The following CAMTA1 variants were observed in gnomAD, a reference collection of about 807,000 sequenced individuals.
CAMTA1 encodes calmodulin binding transcription activator 1.
A neutral mutation model predicts 170.9 loss-of-function variants in CAMTA1; 27 were observed. The ratio of observed to expected loss-of-function variants is 0.16; its 90% CI spans 0.12 to 0.22. The LOEUF (loss-of-function observed/expected upper bound fraction) is 0.22, where lower values mean the gene tolerates loss of function less well. Ranked by LOEUF, CAMTA1 falls within the 10% of genes least tolerant of loss-of-function variation. The pLI is 1.00. For synonymous variants in CAMTA1, 833 were observed against 891.5 expected (o/e 0.93, Z 1.17); for missense variants, 1,619 against 2,217.2 (o/e 0.73, Z 5.42).
At chr1:7,500,640 T>C (rs1281394689) in intron 6 of CAMTA1, among the ~76,000 whole-genome samples, 4 of 152,150 alleles carry the variant, frequency 2.6e-5, no homozygotes, top group Non-Finnish European at 5.9e-5. Context: ...AAGGGCCCTC[T>C]GTTGCTCAGG....
chr1:6,793,633 C>T (rs552902217), intron 1 of CAMTA1, among the ~76,000 whole-genome samples: 2 of 152,252 alleles, frequency 1.3e-5, no homozygotes, highest in Admixed American at 1.3e-4. Flanking sequence ...ATCTCTTTTA[C>T]AGTGTGCATT....
chr1:7,031,056 C>G (rs1490458015), intron 3 of CAMTA1, among the ~76,000 whole-genome samples: 1 of 147,506 alleles, frequency 6.8e-6, no homozygotes, highest in African/African-American at 2.5e-5. Flanking sequence ...CCGTTGTTAG[C>G]CAGGATGGTC....
intron 3 of CAMTA1, among the ~76,000 whole-genome samples, chr1:6,926,488 C>G (rs1309163651): frequency 8.0e-6 from 1 of 125,696 alleles, no homozygotes; most frequent in Non-Finnish European, 1.7e-5. Flanking sequence ...TTCTTTCTTT[C>G]TCTCTCTCTT....
At chr1:6,831,025 G>A (rs10864242) in intron 3 of CAMTA1, among the ~76,000 whole-genome samples, 28,717 of 151,268 alleles carry the variant, frequency 0.19, 2,783 homozygotes, top group East Asian at 0.29. Flanking sequence ...TCACCGTGTT[G>A]GCCAGGATGG....
rs1481853884 is a variant in CAMTA1 at position 7,430,532 on chromosome 1, G to A, written c.439-37298G>A. Among the ~76,000 whole-genome samples, 9 of 152,126 alleles carry A rather than the reference G, an allele frequency of 5.9e-5. No individual in the cohort carries two copies. The South Asian group carries it at 8.3e-4, about 14-fold the overall frequency. ...TGATGATGGTGGTGAACCTGCTGCC[G>A]ATGATGATGATGGGTATGAGGATGA... On this transcript the variant is annotated intron_variant, in intron 5 of 22. Transcript: ENST00000303635.
intron 5 of CAMTA1, among the ~76,000 whole-genome samples, chr1:7,392,126 T>TATA (rs1468097087): frequency 6.6e-6 from 1 of 152,210 alleles, no homozygotes; most frequent in Non-Finnish European, 1.5e-5. Flanking sequence ...ATCAGGAATA[T>TATA]ATAAGAGTTT....
intron 16 of CAMTA1, among the ~76,000 whole-genome samples, chr1:7,742,595 C>T (rs892184821): frequency 6.6e-6 from 1 of 152,100 alleles, no homozygotes; most frequent in African/African-American, 2.4e-5. Context: ...AAATGAGTGA[C>T]GTGACTTTTC....
intron 22 of CAMTA1, among the ~76,000 whole-genome samples, chr1:7,759,487 G>A (rs556330072): frequency 2.0e-5 from 3 of 152,190 alleles, no homozygotes; most frequent in Non-Finnish European, 4.4e-5. Flanking sequence ...ACAAACTCTC[G>A]ATACTGTCAT....
chr1:7,739,881 T>G (rs2096798721), intron 16 of CAMTA1, among the ~76,000 whole-genome samples: 1 of 152,134 alleles, frequency 6.6e-6, no homozygotes, highest in Non-Finnish European at 1.5e-5. Flanking sequence ...ACATGGGAAT[T>G]ATGGGAGCTA....
At chr1:6,809,011 T>TTTC (rs201691855) in intron 1 of CAMTA1, among the ~76,000 whole-genome samples, 1 of 151,622 alleles carries the variant, frequency 6.6e-6, no homozygotes, top group South Asian at 2.1e-4. Context: ...TACCACTGTT[T>TTTC]TTCTTCTTCT....
At chr1:7,235,344 A>C (rs1221249854) in intron 4 of CAMTA1, among the ~76,000 whole-genome samples, 1 of 152,152 alleles carries the variant, frequency 6.6e-6, no homozygotes. Context: ...CAGAAAAATG[A>C]GGCCGGGCGC....
chr1:7,037,444 GC>G (rs1463588935), intron 3 of CAMTA1, among the ~76,000 whole-genome samples: 2 of 152,162 alleles, frequency 1.3e-5, no homozygotes, highest in Non-Finnish European at 2.9e-5. Flanking sequence ...TTTGTTCCCT[GC>G]CCAGCCCCAA....
intron 5 of CAMTA1, among the ~76,000 whole-genome samples, chr1:7,364,168 G>A (rs887194430): frequency 7.9e-5 from 12 of 152,154 alleles, no homozygotes; most frequent in Non-Finnish European, 1.6e-4. Flanking sequence ...AATGCTTATC[G>A]AGTGCTGACT....
At chr1:6,806,709 T>C (rs1644549244) in intron 1 of CAMTA1, among the ~76,000 whole-genome samples, 1 of 152,140 alleles carries the variant, frequency 6.6e-6, no homozygotes, top group Non-Finnish European at 1.5e-5. Context: ...GCTGATACCT[T>C]GCATGTTTTA....
chr1:7,704,690 C>T (rs2096487396), intron 11 of CAMTA1, among the ~76,000 whole-genome samples: 1 of 148,364 alleles, frequency 6.7e-6, no homozygotes, highest in African/African-American at 2.4e-5. Flanking sequence ...CGCGCCCCGC[C>T]ATTGGTCCGG....
rs993002245 is a variant in CAMTA1 at position 6,971,269 on chromosome 1, A to G, written c.235-120035A>G. On this transcript the variant is annotated intron_variant, in intron 3 of 22. Transcript: ENST00000303635. The surrounding 1 kb of genome is among the most constrained non-coding windows in gnomAD (Gnocchi z 4.6). ...CACGTGGCTGTCTGGGAGTGGGAGT[A>G]TTTATAGCAACGCCTCTTTTGCTGG... Among the ~76,000 whole-genome samples the G allele has an allele frequency of 5.3e-5, 8 of 152,178 alleles. No individual in the cohort carries two copies. Among genetic ancestry groups the G allele is most frequent in the Non-Finnish European group, 1.5e-5 (1 of 68,030 alleles).
rs201214468 is a variant in CAMTA1, at chr1:7,249,652, G to T, written c.438+26G>T. 3 of 1,610,662 alleles carry T rather than the reference G, an allele frequency of 1.9e-6. No homozygotes were observed. Among genetic ancestry groups the T allele is most frequent in the Non-Finnish European group, 2.5e-6 (3 of 1,178,194 alleles). On this transcript the variant is annotated intron_variant, in intron 5 of 22. Transcript: ENST00000303635. This position sits in a 1 kb window ranked among gnomAD's most constrained non-coding sequence, Gnocchi z 4.4. ...GTAAACAGCAGAAAAGGTTCCCTTG[G>T]TGCACAAATGTCATTTGCAGGCTGC...
intron 3 of CAMTA1, among the ~76,000 whole-genome samples, chr1:7,054,030 G>A (rs1296828086): frequency 6.6e-6 from 1 of 152,212 alleles, no homozygotes; most frequent in African/African-American, 2.4e-5. Flanking sequence ...GGGGGTCCCT[G>A]TGGGTAACCC....
intron 3 of CAMTA1, among the ~76,000 whole-genome samples, chr1:6,899,433 A>G (rs1465449648): frequency 6.6e-6 from 1 of 152,270 alleles, no homozygotes; most frequent in Non-Finnish European, 1.5e-5. Flanking sequence ...GTGTGATTTA[A>G]GTTTGAGCAT....
Sources: allele counts gnomAD v4.1 joint callset (sites outside exome capture counted in the v4.1 genomes callset), GRCh38; gene constraint gnomAD v4.1.1; non-coding constraint Gnocchi (gnomAD v3.1); transcripts MANE v1.5; gene names NCBI Gene and HGNC (gene_info 2026-07-23, HGNC 2026-07-21).